Variants in RLN2 observed in about 807,000 individuals in gnomAD.
The protein encoded by RLN2 is relaxin 2, also known as prorelaxin H2.
A neutral mutation model predicts 7.3 loss-of-function variants in RLN2; 10 were observed. The observed-to-expected ratio is 1.36, with a 90% confidence interval of 0.84 to 2.31. RLN2 has a LOEUF of 2.31. RLN2 is among the 30% of genes most tolerant of loss of function. The pLI is 0.00. For synonymous variants in RLN2, 103 were observed against 82.3 expected (o/e 1.25, Z -1.36); for missense variants, 298 against 217.6 (o/e 1.37, Z -2.32).
At chr9:5,335,176 C>T in the RLN2 span, 2 of 820,122 alleles carry the variant, frequency 2.4e-6, no homozygotes, top group Non-Finnish European at 3.8e-6. Flanking sequence ...TTAGTGGGAC[C>T]TGACAGAAGC....
upstream of RLN2, chr9:5,304,993 AG>A (rs1816217365): frequency 5.7e-6 from 1 of 174,300 alleles, no homozygotes; most frequent in Admixed American, 5.4e-5. Flanking sequence ...CTTACAACTC[AG>A]TTTTCTAGAG....
At chr9:5,323,815 G>A in the RLN2 span, among the ~76,000 whole-genome samples, 1 of 151,994 alleles carries the variant, frequency 6.6e-6, no homozygotes, top group African/African-American at 2.4e-5. Context: ...GGAGGCCGAG[G>A]TGGATGGATT....
At chr9:5,304,833 AT>A, upstream of RLN2, 1 of 535,748 alleles carries the variant, frequency 1.9e-6, no homozygotes. Flanking sequence ...CCTTTCCTTC[AT>A]TTGCCCATCC....
chr9:5,300,190 G>T lies in RLN2; in HGVS notation c.466C>A (p.His156Asn). 1 of 1,613,418 alleles carries T rather than the reference G, an allele frequency of 6.2e-7. No homozygotes were observed. The highest frequency in any genetic ancestry group is 8.5e-7 in the Non-Finnish European group (1 of 1,179,710). ...SELKYLGLDT[H>N]SRKKRQLYSA... ...TAGAGTTGTCTCTTTTTTCGAGAAT[G>T]AGTATCCAAGCCTAAGTATTTTAAT... is the stretch of plus-strand genomic sequence containing the variant. The change falls in exon 2 of 2, where the codon CAT (histidine) becomes AAT (asparagine). Residue 156 changes from histidine (H) to asparagine (N), a missense_variant. Physicochemically the swap from His to Asn is moderately conservative, Grantham distance 68 (BLOSUM62 1). Transcript: ENST00000381627.
the RLN2 span, among the ~76,000 whole-genome samples, chr9:5,316,307 TTCTC>T: frequency 6.6e-6 from 1 of 151,830 alleles, no homozygotes; most frequent in Non-Finnish European, 1.5e-5. Context: ...TTTCACTGAT[TTCTC>T]TTTTTTTTAT....
At chr9:5,300,590 C>T (rs1304134588) in intron 1 of RLN2, 146 bp from the exon 2 acceptor site, 9 of 623,032 alleles carry the variant, frequency 1.4e-5, no homozygotes, top group Non-Finnish European at 2.2e-5. Flanking sequence ...ATCCTAATAT[C>T]TAAACACTTA....
the RLN2 span, among the ~76,000 whole-genome samples, chr9:5,325,716 T>G: frequency 1.8e-3 from 268 of 152,212 alleles, 3 homozygotes; most frequent in Non-Finnish European, 3.0e-3. Flanking sequence ...GTAAATTTGT[T>G]AATTGTTATA....
At chr9:5,300,850 G>C (rs1378431684) in intron 1 of RLN2, among the ~76,000 whole-genome samples, 4 of 152,152 alleles carry the variant, frequency 2.6e-5, no homozygotes, top group Non-Finnish European at 4.4e-5. Context: ...TATGATTTAT[G>C]ATATTATGAG....
At chr9:5,301,192 T>C (rs1240295253) in intron 1 of RLN2, among the ~76,000 whole-genome samples, 2 of 152,198 alleles carry the variant, frequency 1.3e-5, no homozygotes, top group African/African-American at 4.8e-5. Flanking sequence ...GTTCCAAAGC[T>C]GCAGATCATG....
chr9:5,320,561 G>C, the RLN2 span, among the ~76,000 whole-genome samples: 21 of 151,108 alleles, frequency 1.4e-4, no homozygotes, highest in Non-Finnish European at 2.9e-5. Flanking sequence ...AGTAGAGATG[G>C]AGTTTCACCA....
the RLN2 span, among the ~76,000 whole-genome samples, chr9:5,337,670 G>A: frequency 2.6e-5 from 4 of 152,026 alleles, no homozygotes; most frequent in South Asian, 4.1e-4. Context: ...TACTTCCAAA[G>A]CGATTCCTAC....
chr9:5,326,157 G>A, the RLN2 span, among the ~76,000 whole-genome samples: 1 of 152,030 alleles, frequency 6.6e-6, no homozygotes, highest in Non-Finnish European at 1.5e-5. Context: ...CCTTTTTAGT[G>A]TTCCTTATAA....
the RLN2 span, among the ~76,000 whole-genome samples, chr9:5,326,806 T>A: frequency 1.3e-5 from 2 of 151,948 alleles, no homozygotes; most frequent in South Asian, 2.1e-4. Flanking sequence ...TTAGCACAAA[T>A]CAGAATTAGT....
chr9:5,327,212 A>G, the RLN2 span, among the ~76,000 whole-genome samples: 2 of 152,106 alleles, frequency 1.3e-5, no homozygotes, highest in African/African-American at 2.4e-5. Flanking sequence ...CTTTTCCAAC[A>G]GTCTTAGCAA....
the RLN2 span, among the ~76,000 whole-genome samples, chr9:5,332,264 A>T: frequency 2.0e-5 from 3 of 152,088 alleles, no homozygotes; most frequent in Non-Finnish European, 4.4e-5. Context: ...TATGTGCAGA[A>T]GTAGACTGGC....
Position 5,299,942 on chromosome 9 carries a change from C to G in RLN2, c.*156G>C, listed in dbSNP as rs1827120605. 2.2e-6 allele frequency: 1 copy of G among 462,760 alleles called. No individual in the cohort carries two copies. Among genetic ancestry groups the G allele is most frequent in the African/African-American group, 2.0e-5 (1 of 49,914 alleles). The allele number at this position is 462,760 out of a possible 1,614,324, so 28.7% of individuals were successfully genotyped here. A position where few individuals can be genotyped will look rare whatever the true frequency, so the allele number is the denominator to read the frequency against. ...TCAAATAAAAAAATCTAAACATCAACAAAGATGTTTAGATATTCTAAGAAT... is the reference window on the plus strand; with the variant it reads ...TCAAATAAAAAAATCTAAACATCAAGAAAGATGTTTAGATATTCTAAGAAT... On this transcript the variant is annotated 3_prime_UTR_variant, in exon 2 of 2. Transcript: ENST00000381627.
chr9:5,303,981 G>T, intron 1 of RLN2: 1 of 166,638 alleles, frequency 6.0e-6, no homozygotes, highest in Non-Finnish European at 1.1e-5. Flanking sequence ...CTGTCTGGCC[G>T]CCTGGCTTTC....
At chr9:5,333,233 C>CA in the RLN2 span, among the ~76,000 whole-genome samples, 3 of 151,932 alleles carry the variant, frequency 2.0e-5, no homozygotes, top group South Asian at 6.2e-4. Flanking sequence ...AAGGAAATAC[C>CA]ATTTCTCTGG....
upstream of RLN2, among the ~76,000 whole-genome samples, chr9:5,306,102 G>GGTTTTTTTTTTTTTTTTTTT (rs1554618110): frequency 1.6e-5 from 2 of 123,436 alleles, no homozygotes; most frequent in Admixed American, 7.9e-5. Flanking sequence ...CTTTGTTTTT[G>GGTTTTTTTTTTTTTTTTTTT]TTTTTTGTTT....
Sources: allele counts gnomAD v4.1 joint callset (sites outside exome capture counted in the v4.1 genomes callset), GRCh38; gene constraint gnomAD v4.1.1; transcripts MANE v1.5; gene names NCBI Gene and HGNC (gene_info 2026-07-23, HGNC 2026-07-21).